CAMK2D: variants seen among roughly 807,000 people sequenced by gnomAD.
CAMK2D encodes the protein calcium/calmodulin dependent protein kinase II delta, also known as calcium/calmodulin-dependent protein kinase type II subunit delta.
CAMK2D carries 37 observed loss-of-function variants against 84.0 expected under a neutral mutation model. The ratio of observed to expected loss-of-function variants is 0.44; its 90% CI spans 0.34 to 0.58. The LOEUF (loss-of-function observed/expected upper bound fraction) is 0.58, where lower values mean the gene tolerates loss of function less well. CAMK2D is among the 20% of genes least tolerant of loss of function. CAMK2D has a pLI of 0.02. For synonymous variants in CAMK2D, 202 were observed against 212.5 expected (o/e 0.95, Z 0.43); for missense variants, 448 against 652.5 (o/e 0.69, Z 3.41).
At chr4:113,695,498 T>C (rs1037988749) in intron 2 of CAMK2D, among the ~76,000 whole-genome samples, 2 of 152,044 alleles carry the variant, frequency 1.3e-5, no homozygotes, top group Non-Finnish European at 2.9e-5. Context: ...CCTGCAGTTT[T>C]CCCCATCTCA....
chr4:113,635,661 C>G (rs982934750), intron 3 of CAMK2D, among the ~76,000 whole-genome samples: 1 of 152,138 alleles, frequency 6.6e-6, no homozygotes, highest in East Asian at 1.9e-4. Flanking sequence ...CAAGAAAATA[C>G]AGTGGGCATA....
At chr4:113,623,123 GGTTATA>G (rs2099053304) in intron 3 of CAMK2D, among the ~76,000 whole-genome samples, 2 of 152,070 alleles carry the variant, frequency 1.3e-5, no homozygotes, top group African/African-American at 4.8e-5. Context: ...GATTCTCAAA[GGTTATA>G]CCCTTGTTGC....
intron 2 of CAMK2D, among the ~76,000 whole-genome samples, chr4:113,749,406 T>G (rs1435639264): frequency 6.6e-6 from 1 of 152,024 alleles, no homozygotes; most frequent in Non-Finnish European, 1.5e-5. Context: ...ATTTCTCAAC[T>G]GACAGACACA....
chr4:113,463,133 T>C lies in CAMK2D; in HGVS notation c.1211+2396A>G, dbSNP rs192537901. On this transcript the variant is annotated intron_variant, in intron 17 of 20. Transcript: ENST00000511664. ...GTTTATACATATATGCACACATATT[T>C]AAGTTATAAGAAGAAGCTCCTGATA... Among the ~76,000 whole-genome samples, 1,426 of 152,248 alleles carry C rather than the reference T, an allele frequency of 9.4e-3. 10 individuals carry two copies. Among genetic ancestry groups the C allele is most frequent in the Non-Finnish European group, 0.012 (838 of 68,022 alleles).
chr4:113,662,041 A>G (rs1303885668), intron 2 of CAMK2D, among the ~76,000 whole-genome samples: 2 of 152,170 alleles, frequency 1.3e-5, no homozygotes, highest in Non-Finnish European at 2.9e-5. Flanking sequence ...GCACAAAACA[A>G]TACTATTCTT....
intron 4 of CAMK2D, among the ~76,000 whole-genome samples, chr4:113,605,110 T>C (rs933639296): frequency 2.0e-5 from 3 of 152,238 alleles, no homozygotes; most frequent in Admixed American, 2.0e-4. Context: ...GAAGATGCTC[T>C]CTTTCCCCAA....
intron 4 of CAMK2D, among the ~76,000 whole-genome samples, chr4:113,591,364 T>C (rs17592841): frequency 0.04 from 6,069 of 152,252 alleles, 354 homozygotes; most frequent in East Asian, 0.19. Flanking sequence ...ATGTTCTAAA[T>C]AGAAGGCTTC....
intron 2 of CAMK2D, among the ~76,000 whole-genome samples, chr4:113,685,303 A>C (rs974292641): frequency 6.8e-6 from 1 of 146,612 alleles, no homozygotes; most frequent in Admixed American, 7.0e-5. Flanking sequence ...GAGTGGCGCG[A>C]TCTCTGCTCA....
chr4:113,713,828 T>C (rs1244828696), intron 2 of CAMK2D, among the ~76,000 whole-genome samples: 2 of 151,790 alleles, frequency 1.3e-5, no homozygotes, highest in African/African-American at 4.8e-5. Context: ...TCTCTCAGGC[T>C]GTGGCTTACA....
At chr4:113,473,998 CTTAA>C (rs990900889) in intron 16 of CAMK2D, among the ~76,000 whole-genome samples, 2 of 151,940 alleles carry the variant, frequency 1.3e-5, no homozygotes, top group Non-Finnish European at 2.9e-5. Context: ...TAAAAAATGA[CTTAA>C]ATAAATGTTT....
rs559820057 is a variant in CAMK2D at position 113,719,199 on chromosome 4, G to A, written c.160+40121C>T. The stretch of plus-strand genomic sequence containing the variant: ...ATAGGAAGCCATTGATTTGGACTGA[G>A]ATCCTGTACTAGGACCCAACGGAAT... On this transcript the variant is annotated intron_variant, in intron 2 of 20. Transcript: ENST00000511664. 1.5e-3 allele frequency among the ~76,000 whole-genome samples: 233 copies of A among 152,242 alleles called. 1 individual carries two copies. The highest frequency in any genetic ancestry group is 5.4e-3 in the African/African-American group (226 of 41,556).
At chr4:113,747,198 T>C (rs1025646632) in intron 2 of CAMK2D, among the ~76,000 whole-genome samples, 1 of 151,936 alleles carries the variant, frequency 6.6e-6, no homozygotes, top group South Asian at 2.1e-4. Flanking sequence ...GAATGGAAGA[T>C]TGTTTCATTA....
chr4:113,580,911 T>C (rs946100229), intron 4 of CAMK2D, among the ~76,000 whole-genome samples: 1 of 113,862 alleles, frequency 8.8e-6, no homozygotes, highest in Non-Finnish European at 1.7e-5. Context: ...AGAAATGGAA[T>C]GTGGGGTAGG....
At chr4:113,544,494 T>G (rs576855044) in intron 6 of CAMK2D, among the ~76,000 whole-genome samples, 35 of 152,332 alleles carry the variant, frequency 2.3e-4, no homozygotes, top group Admixed American at 2.3e-3. Context: ...ACCAATCATA[T>G]TTTACTAGTT....
At chr4:113,473,858 T>A (rs2097574237) in intron 16 of CAMK2D, among the ~76,000 whole-genome samples, 1 of 152,148 alleles carries the variant, frequency 6.6e-6, no homozygotes. Flanking sequence ...TTTTTTTTAG[T>A]TTGCAAGGAT....
intron 2 of CAMK2D, among the ~76,000 whole-genome samples, chr4:113,673,421 T>C (rs1250630279): frequency 6.6e-6 from 1 of 152,076 alleles, no homozygotes; most frequent in Admixed American, 6.5e-5. Flanking sequence ...CAAGGGACAA[T>C]GCCCAAAAGG....
At chr4:113,565,641 ACT>A (rs1561009855) in intron 4 of CAMK2D, among the ~76,000 whole-genome samples, 2 of 146,762 alleles carry the variant, frequency 1.4e-5, no homozygotes, top group Admixed American at 7.0e-5. Context: ...ACACAGTGAG[ACT>A]CTGTCTCAAA....
At chr4:113,579,628 C>T (rs973192851) in intron 4 of CAMK2D, among the ~76,000 whole-genome samples, 1 of 152,202 alleles carries the variant, frequency 6.6e-6, no homozygotes, top group Non-Finnish European at 1.5e-5. Context: ...TCACCTTCCA[C>T]TATGATTGGA....
chr4:113,630,210 T>A (rs547696756), intron 3 of CAMK2D, among the ~76,000 whole-genome samples: 47 of 152,232 alleles, frequency 3.1e-4, no homozygotes, highest in Admixed American at 5.2e-4. Context: ...TAAAATAGAA[T>A]AGTTTTTAAA....
Sources: allele counts gnomAD v4.1 joint callset (sites outside exome capture counted in the v4.1 genomes callset), GRCh38; gene constraint gnomAD v4.1.1; transcripts MANE v1.5; gene names NCBI Gene and HGNC (gene_info 2026-07-23, HGNC 2026-07-21).